The following ADCK1 variants were observed in gnomAD, a reference collection of about 807,000 sequenced individuals.
ADCK1 encodes aarF domain-containing protein kinase 1.
ADCK1 carries 41 observed loss-of-function variants against 52.3 expected under a neutral mutation model. That is an observed-to-expected ratio of 0.78 (90% confidence interval 0.61 to 1.02). The LOEUF is 1.02. ADCK1 is among the 50% of genes least tolerant of loss of function. ADCK1 has a pLI of 0.00. For synonymous variants in ADCK1, 250 were observed against 274.6 expected (o/e 0.91, Z 0.89); for missense variants, 658 against 679.5 (o/e 0.97, Z 0.35).
chr14:77,881,259 T>C (rs2083016242), intron 4 of ADCK1, among the ~76,000 whole-genome samples: 1 of 152,230 alleles, frequency 6.6e-6, no homozygotes, highest in Non-Finnish European at 1.5e-5. Context: ...CTCACTGTTG[T>C]CAGGAGGCCT....
At chr14:77,907,359 A>G (rs989347412) in intron 6 of ADCK1, among the ~76,000 whole-genome samples, 4 of 152,246 alleles carry the variant, frequency 2.6e-5, no homozygotes, top group Non-Finnish European at 4.4e-5. Flanking sequence ...GTTAAAACTC[A>G]GTCATTTGCT....
At chr14:77,890,441 C>T (rs1170466371) in intron 5 of ADCK1, among the ~76,000 whole-genome samples, 2 of 152,158 alleles carry the variant, frequency 1.3e-5, no homozygotes, top group Admixed American at 6.5e-5. Context: ...TATGACTCAG[C>T]CTTGGAAACT....
intron 7 of ADCK1, among the ~76,000 whole-genome samples, chr14:77,909,206 G>A (rs1344115178): frequency 6.7e-6 from 1 of 148,726 alleles, no homozygotes; most frequent in Non-Finnish European, 1.5e-5. Flanking sequence ...CGCAATCTTG[G>A]CTCACTGCAA....
At chr14:77,841,452 ACT>A (rs887972367) in intron 3 of ADCK1, among the ~76,000 whole-genome samples, 13 of 151,772 alleles carry the variant, frequency 8.6e-5, no homozygotes, top group Non-Finnish European at 1.8e-4. Flanking sequence ...GGGAAAAAAA[ACT>A]CTATATAAAA....
At chr14:77,869,984 C>A (rs2082741415) in intron 4 of ADCK1, among the ~76,000 whole-genome samples, 1 of 152,200 alleles carries the variant, frequency 6.6e-6, no homozygotes, top group South Asian at 2.1e-4. Context: ...ATAAATTACC[C>A]AGCCTCAGGT....
chr14:77,809,491 G>A (rs1442085316), intron 1 of ADCK1, among the ~76,000 whole-genome samples: 1 of 151,744 alleles, frequency 6.6e-6, no homozygotes, highest in East Asian at 2.0e-4. Flanking sequence ...CACCACGCCT[G>A]GCTAATTTTT....
At chr14:77,878,928 C>CT (rs1001669492) in intron 4 of ADCK1, among the ~76,000 whole-genome samples, 5 of 151,838 alleles carry the variant, frequency 3.3e-5, no homozygotes, top group African/African-American at 4.8e-5. Context: ...GTCCCTTCCC[C>CT]CCCCACGAAT....
rs142200892 is a variant in ADCK1 at position 77,867,205 on chromosome 14, G to A, written c.423+7926G>A. Among the ~76,000 whole-genome samples the A allele has an allele frequency of 3.0e-3, 453 of 152,264 alleles. 3 individuals are homozygous for A. Among genetic ancestry groups the A allele is most frequent in the African/African-American group, 0.01 (423 of 41,538 alleles). ...CCAAAGCTACCTGGAAACCTTTGGC[G>A]GTCTGTAGACTTGCTTCTCCTGGTC... is the stretch of plus-strand genomic sequence containing the variant. On this transcript the variant is annotated intron_variant, in intron 4 of 10. Coordinates refer to ENST00000238561, the MANE Select transcript of ADCK1 (RefSeq NM_020421.4).
intron 7 of ADCK1, among the ~76,000 whole-genome samples, chr14:77,913,547 AG>A (rs1430999681): frequency 6.6e-6 from 1 of 152,246 alleles, no homozygotes; most frequent in Non-Finnish European, 1.5e-5. Flanking sequence ...AAGGTCGTGC[AG>A]GAGTCCTCTT....
chr14:77,819,084 G>A lies in ADCK1; in HGVS notation c.106G>A (p.Ala36Thr), dbSNP rs1349175856. 4.3e-6 allele frequency: 7 copies of A among 1,613,352 alleles called. No individual in the cohort carries two copies. The highest frequency in any genetic ancestry group is 3.3e-5 in the Admixed American group (2 of 59,764). The change falls in exon 2 of 11, where the codon GCT (alanine) becomes ACT (threonine). Residue 36 changes from alanine (A) to threonine (T), a missense_variant. Transcript: ENST00000238561. ...GTACTTGGACCCTAATGACTTTGGC[G>A]CTGTCAGGGTGGGCAGAGCAGTTGC... Reference protein sequence around the residue: ...NKYLDPNDFGAVRVGRAVATT... With the variant: ...NKYLDPNDFGTVRVGRAVATT...
chr14:77,851,138 G>A (rs1311754836), intron 3 of ADCK1, among the ~76,000 whole-genome samples: 2 of 145,566 alleles, frequency 1.4e-5, no homozygotes, highest in African/African-American at 5.2e-5. Context: ...TTTTTTTTGA[G>A]ACAGAGTCTT....
At position 77,905,302 on chromosome 14, in the gene ADCK1, TG is replaced by T. The variant is rs2083635677; in HGVS notation, c.742-2499del. 3.2e-5 allele frequency among the ~76,000 whole-genome samples: 4 copies of T among 124,156 alleles called. No individual in the cohort carries two copies. In the South Asian group the frequency reaches 7.9e-4, roughly 24 times the overall value. 81.5% of individuals were successfully genotyped at this position (124,156 alleles called of 152,430 possible). On this transcript the variant is annotated intron_variant, in intron 6 of 10. Coordinates refer to ENST00000238561, the MANE Select transcript of ADCK1 (RefSeq NM_020421.4). ...TTTCCACCTGTGACTCTTTCCTAGC[TG>T]GTTTTTTTTTTTTTTTTTTTTGAGA...
intron 3 of ADCK1, among the ~76,000 whole-genome samples, chr14:77,824,844 G>A (rs1016810202): frequency 2.6e-5 from 4 of 152,178 alleles, no homozygotes; most frequent in South Asian, 2.1e-4. Context: ...ATAACATTTC[G>A]TCGCTCTCCC....
At chr14:77,888,751 C>T (rs913073870) in intron 5 of ADCK1, among the ~76,000 whole-genome samples, 7 of 152,084 alleles carry the variant, frequency 4.6e-5, no homozygotes, top group South Asian at 2.1e-4. Context: ...TAAGTGATTA[C>T]GTTTAGGTAT....
intron 5 of ADCK1, among the ~76,000 whole-genome samples, chr14:77,895,219 C>A (rs1349938962): frequency 6.6e-6 from 1 of 152,168 alleles, no homozygotes; most frequent in Admixed American, 6.5e-5. Context: ...TTGATTGATT[C>A]ATAAGGTTCT....
chr14:77,922,340 G>A (rs1350652780), intron 7 of ADCK1, among the ~76,000 whole-genome samples: 1 of 152,236 alleles, frequency 6.6e-6, no homozygotes. Flanking sequence ...TGAGTGCAGG[G>A]ATGTCTGTTT....
At chr14:77,865,577 A>G (rs1287465421) in intron 4 of ADCK1, among the ~76,000 whole-genome samples, 1 of 152,180 alleles carries the variant, frequency 6.6e-6, no homozygotes, top group African/African-American at 2.4e-5. Context: ...TTGACATGTA[A>G]AATTAACCAT....
intron 7 of ADCK1, 35 bp from the exon 8 acceptor site, chr14:77,924,422 G>T: frequency 6.2e-7 from 1 of 1,610,614 alleles, no homozygotes; most frequent in Non-Finnish European, 8.5e-7. Context: ...GATGTGAGTG[G>T]AGAGGAGCTC....
rs540201983 is a variant in ADCK1 at position 77,887,203 on chromosome 14, A to C, written c.536A>C (p.His179Pro). 5.9e-5 allele frequency: 95 copies of C among 1,609,828 alleles called. No individual in the cohort carries two copies. The highest frequency in any genetic ancestry group is 8.0e-5 in the Non-Finnish European group (94 of 1,177,952). ...DGRTVAVKVQHPKVRAQSSKD... is the reference protein window; with the variant it reads ...DGRTVAVKVQPPKVRAQSSKD... ...CGGACGGTGGCCGTGAAGGTCCAGCACCCAAAGGTGCGGGCTCAGAGCTCG... is the reference window on the plus strand; with the variant it reads ...CGGACGGTGGCCGTGAAGGTCCAGCCCCCAAAGGTGCGGGCTCAGAGCTCG... The change falls in exon 5 of 11, where the codon CAC becomes CCC. Residue 179 changes from histidine to proline, a missense_variant. His to Pro is a moderately conservative substitution (Grantham distance 77, BLOSUM62 -2). Coordinates refer to ENST00000238561, the MANE Select transcript of ADCK1 (RefSeq NM_020421.4).
Sources: allele counts gnomAD v4.1 joint callset (sites outside exome capture counted in the v4.1 genomes callset), GRCh38; gene constraint gnomAD v4.1.1; transcripts MANE v1.5; gene names NCBI Gene and HGNC (gene_info 2026-07-23, HGNC 2026-07-21).